MYT1L: variants seen among roughly 807,000 people sequenced by gnomAD.
MYT1L encodes the protein myelin transcription factor 1-like protein.
A neutral mutation model predicts 126.7 loss-of-function variants in MYT1L; 12 were observed. That is an observed-to-expected ratio of 0.09 (90% confidence interval 0.06 to 0.15). The LOEUF (loss-of-function observed/expected upper bound fraction) is 0.15. Ranked by LOEUF, MYT1L falls within the 10% of genes least tolerant of loss-of-function variation. MYT1L has a pLI of 1.00. For synonymous variants in MYT1L, 541 were observed against 604.2 expected (o/e 0.90, Z 1.53); for missense variants, 979 against 1,585.2 (o/e 0.62, Z 6.49).
At chr2:2,124,532 G>A (rs886389761) in intron 3 of MYT1L, among the ~76,000 whole-genome samples, 3 of 152,164 alleles carry the variant, frequency 2.0e-5, no homozygotes, top group Non-Finnish European at 4.4e-5. Context: ...CTGACCTCAG[G>A]TAATGCACCT....
intron 1 of MYT1L, among the ~76,000 whole-genome samples, chr2:2,299,093 C>G (rs528069769): frequency 6.6e-6 from 1 of 152,224 alleles, no homozygotes; most frequent in African/African-American, 2.4e-5. Context: ...ACCTGGTGAT[C>G]CATCCGCCTT....
intron 14 of MYT1L, among the ~76,000 whole-genome samples, chr2:1,894,578 C>A: frequency 6.6e-6 from 1 of 150,606 alleles, no homozygotes; most frequent in South Asian, 2.1e-4. Flanking sequence ...TGAGGGCTAG[C>A]CACTGGTTTA....
At chr2:1,964,163 A>G (rs2059159659) in intron 8 of MYT1L, among the ~76,000 whole-genome samples, 1 of 152,146 alleles carries the variant, frequency 6.6e-6, no homozygotes, top group Admixed American at 6.5e-5. Flanking sequence ...AGGCCTGAGG[A>G]GCAGGGAGAG....
chr2:2,159,334 G>C (rs1311135352), intron 3 of MYT1L, among the ~76,000 whole-genome samples: 1 of 152,144 alleles, frequency 6.6e-6, no homozygotes, highest in Non-Finnish European at 1.5e-5. Context: ...AAACTCTTAG[G>C]TGTCGGCACT....
At chr2:1,901,007 C>G (rs2050272593) in intron 14 of MYT1L, among the ~76,000 whole-genome samples, 2 of 152,214 alleles carry the variant, frequency 1.3e-5, no homozygotes, top group African/African-American at 4.8e-5. Flanking sequence ...CTCGCAAGGT[C>G]AGCAGAGGAC....
At position 1,848,562 on chromosome 2, in the gene MYT1L, G is replaced by A. The variant is rs1168859725; in HGVS notation, c.2774+3079C>T. Among the ~76,000 whole-genome samples the A allele has an allele frequency of 6.6e-6, 1 of 152,152 alleles. No homozygotes were observed. On this transcript the variant is annotated intron_variant, in intron 19 of 24. Coordinates refer to ENST00000647738, the MANE Select transcript of MYT1L (RefSeq NM_001303052.2). This position sits in a 1 kb window ranked among gnomAD's most constrained non-coding sequence, Gnocchi z 4.8. ...GCCAGTGAATCATCGTCTAAGTGGC[G>A]TTTGCCTATAGGTAACATTATCTTC... is the stretch of plus-strand genomic sequence containing the variant.
chr2:2,078,015 G>T (rs947486094), intron 3 of MYT1L, among the ~76,000 whole-genome samples: 2 of 152,322 alleles, frequency 1.3e-5, no homozygotes, highest in South Asian at 2.1e-4. Context: ...AAGGTATAAA[G>T]AAGTAATTTG....
chr2:2,159,631 A>G (rs1038582600), intron 3 of MYT1L, among the ~76,000 whole-genome samples: 2 of 152,032 alleles, frequency 1.3e-5, no homozygotes, highest in Non-Finnish European at 2.9e-5. Flanking sequence ...GAGCTGCCTT[A>G]GCGAGGGGGC....
intron 2 of MYT1L, among the ~76,000 whole-genome samples, chr2:2,259,532 A>G (rs927253964): frequency 2.0e-5 from 3 of 152,132 alleles, no homozygotes; most frequent in Non-Finnish European, 2.9e-5. Flanking sequence ...TATAGTTTTT[A>G]TTTGTCAATT....
In MYT1L at chr2:2,217,687, ACAACAAC is replaced by A. The variant is rs1559366494; in HGVS notation, c.-420-44706_-420-44700del. ...CTCCATCTCAACAACAACAACAACAACAACAACAACAACAACAACAAAAAAAAAAAAA... is the reference window on the plus strand; with the variant it reads ...CTCCATCTCAACAACAACAACAACAAAACAACAACAACAAAAAAAAAAAAA... On this transcript the variant is annotated intron_variant, in intron 2 of 24. Transcript: ENST00000647738. 5.2e-3 allele frequency among the ~76,000 whole-genome samples: 608 copies of A among 115,840 alleles called. 23 individuals are homozygous for A. Among genetic ancestry groups the A allele is most frequent in the Non-Finnish European group, 7.2e-3 (404 of 56,082 alleles). The allele number at this position is 115,840 out of a possible 152,430, so 76.0% of individuals were successfully genotyped here.
At chr2:1,969,097 G>C (rs779014766) in intron 8 of MYT1L, among the ~76,000 whole-genome samples, 7 of 152,200 alleles carry the variant, frequency 4.6e-5, no homozygotes, top group Non-Finnish European at 1.0e-4. Context: ...ATCAGTCCAC[G>C]GTATGAACAG....
At chr2:2,220,536 C>A (rs927235994) in intron 2 of MYT1L, among the ~76,000 whole-genome samples, 2 of 152,036 alleles carry the variant, frequency 1.3e-5, no homozygotes, top group Admixed American at 1.3e-4. Flanking sequence ...TAAAAAGGTG[C>A]TAGACTCTTA....
intron 21 of MYT1L, among the ~76,000 whole-genome samples, chr2:1,834,152 C>A (rs572027132): frequency 6.6e-6 from 1 of 152,358 alleles, no homozygotes; most frequent in South Asian, 2.1e-4. Flanking sequence ...TCAATCTGTT[C>A]TTGCTGCTGC....
At chr2:1,869,434 G>A (rs2046001029) in intron 18 of MYT1L, among the ~76,000 whole-genome samples, 1 of 152,280 alleles carries the variant, frequency 6.6e-6, no homozygotes, top group South Asian at 2.1e-4. Flanking sequence ...CTTGTCCTGT[G>A]CACGGTGCCG....
intron 9 of MYT1L, among the ~76,000 whole-genome samples, chr2:1,941,715 G>A (rs1024713356): frequency 2.6e-5 from 4 of 152,112 alleles, no homozygotes; most frequent in Non-Finnish European, 5.9e-5. Context: ...CTATCTATGT[G>A]TGTGTACATA....
chr2:2,203,114 G>T (rs1400306169), intron 2 of MYT1L, among the ~76,000 whole-genome samples: 2 of 147,196 alleles, frequency 1.4e-5, no homozygotes, highest in Non-Finnish European at 1.5e-5. Context: ...GTATTGATGG[G>T]ACGTATCTCA....
At chr2:2,143,926 A>C (rs1346257567) in intron 3 of MYT1L, among the ~76,000 whole-genome samples, 1 of 150,372 alleles carries the variant, frequency 6.7e-6, no homozygotes, top group East Asian at 2.0e-4. Flanking sequence ...ACTCGTCGGC[A>C]TAAAGATGGG....
At chr2:2,217,130 T>C (rs1471095587) in intron 2 of MYT1L, among the ~76,000 whole-genome samples, 1 of 152,066 alleles carries the variant, frequency 6.6e-6, no homozygotes, top group African/African-American at 2.4e-5. Flanking sequence ...TTTCAGAAAA[T>C]TTAAAAGAAA....
intron 4 of MYT1L, among the ~76,000 whole-genome samples, chr2:2,030,813 G>T (rs1483325992): frequency 1.3e-5 from 2 of 152,296 alleles, no homozygotes; most frequent in Non-Finnish European, 2.9e-5. Context: ...TTTTAGTTGT[G>T]CAGCCAGTGG....
Sources: allele counts gnomAD v4.1 joint callset (sites outside exome capture counted in the v4.1 genomes callset), GRCh38; gene constraint gnomAD v4.1.1; non-coding constraint Gnocchi (gnomAD v3.1); transcripts MANE v1.5; gene names NCBI Gene and HGNC (gene_info 2026-07-23, HGNC 2026-07-21).